RASGRF2: variants seen among roughly 807,000 people sequenced by gnomAD.
RASGRF2 encodes ras-specific guanine nucleotide-releasing factor 2.
A neutral mutation model predicts 151.0 loss-of-function variants in RASGRF2; 76 were observed. The ratio of observed to expected loss-of-function variants is 0.50; its 90% CI spans 0.42 to 0.61. The LOEUF (loss-of-function observed/expected upper bound fraction) is 0.61. Ranked by LOEUF, RASGRF2 falls within the 20% of genes least tolerant of loss-of-function variation. The probability of loss-of-function intolerance (pLI) is 0.00; values close to 1 mark genes in which losing one functional copy is unlikely to be tolerated. For missense variants in RASGRF2, 1,148 were observed against 1,564.6 expected, an observed-to-expected ratio of 0.73 and a Z score of 4.49; for synonymous variants, 504 against 566.5, an observed-to-expected ratio of 0.89 and a Z score of 1.57.
rs1363537603 is a variant in RASGRF2, at chr5:81,207,261, G to T, written c.2983G>T (p.Ala995Ser). Residue 995 changes from alanine (A) to serine (S), a missense_variant, in exon 21 of 27, where the codon GCC becomes TCC. Physicochemically the swap from Ala to Ser is moderately conservative, Grantham distance 99. Transcript: ENST00000265080. Reference sequence around the variant, plus strand: ...TCTCTTGCAGACTGACTGCATGAAGGCCGAATGCTTTGAGTCCTTGTCGGC... The same window carrying T: ...TCTCTTGCAGACTGACTGCATGAAGTCCGAATGCTTTGAGTCCTTGTCGGC... Reference protein sequence around the residue: ...DIIQMTDCMKAECFESLSAME... With the variant: ...DIIQMTDCMKSECFESLSAME... The T allele has an allele frequency of 3.1e-6, 5 of 1,614,104 alleles. No homozygotes were observed. Among genetic ancestry groups the T allele is most frequent in the South Asian group, 1.1e-5 (1 of 91,078 alleles).
At chr5:81,014,409 G>T (rs188241694) in intron 1 of RASGRF2, among the ~76,000 whole-genome samples, 1 of 152,238 alleles carries the variant, frequency 6.6e-6, no homozygotes, top group Non-Finnish European at 1.5e-5. Flanking sequence ...GCAGGCAAAA[G>T]ATGAGAGCTT....
intron 1 of RASGRF2, among the ~76,000 whole-genome samples, chr5:80,990,219 T>TA (rs1491260272): frequency 1.1e-4 from 8 of 70,974 alleles, no homozygotes; most frequent in South Asian, 3.5e-4. Flanking sequence ...CTGCCAGATG[T>TA]TTTTTTTTTT....
At chr5:81,027,836 C>T (rs910889456) in intron 1 of RASGRF2, among the ~76,000 whole-genome samples, 3 of 152,182 alleles carry the variant, frequency 2.0e-5, no homozygotes, top group Non-Finnish European at 4.4e-5. Context: ...CACTGAGAAG[C>T]ATTCTAAGAA....
chr5:81,045,969 G>T (rs1457154530), intron 2 of RASGRF2, among the ~76,000 whole-genome samples: 1 of 152,120 alleles, frequency 6.6e-6, no homozygotes, highest in Non-Finnish European at 1.5e-5. Context: ...ATGGTTGGTT[G>T]ACTTAACATT....
chr5:81,129,458 C>A (rs920901104), intron 17 of RASGRF2, among the ~76,000 whole-genome samples: 1 of 151,996 alleles, frequency 6.6e-6, no homozygotes, highest in African/African-American at 2.4e-5. Flanking sequence ...ATATATATTT[C>A]TCTAAATAAA....
intron 13 of RASGRF2, among the ~76,000 whole-genome samples, chr5:81,110,162 T>C (rs968379188): frequency 6.6e-6 from 1 of 152,100 alleles, no homozygotes; most frequent in Non-Finnish European, 1.5e-5. Flanking sequence ...AGAAAAAAAA[T>C]TATCTTATTG....
chr5:81,194,002 G>A (rs1005915982), intron 18 of RASGRF2, among the ~76,000 whole-genome samples: 8 of 152,088 alleles, frequency 5.3e-5, no homozygotes, highest in African/African-American at 1.9e-4. Context: ...AATCATGATA[G>A]TAAATATGTT....
At position 81,226,549 on chromosome 5, in the gene RASGRF2, A is replaced by G. The variant is rs949361434; in HGVS notation, c.*779A>G. The G allele has an allele frequency of 1.8e-4, 28 of 152,300 alleles. No individual in the cohort carries two copies. The highest frequency in any genetic ancestry group is 6.5e-4 in the African/African-American group (27 of 41,558). 9.4% of individuals were successfully genotyped at this position (152,300 alleles called of 1,614,324 possible). A position where few individuals can be genotyped will look rare whatever the true frequency, so the allele number is the denominator to read the frequency against. Reference sequence around the variant, plus strand: ...CAGCCCTTTTGGAGAGGCAGCTGCAAAAAGGTGCACGCCCATCTCACCGAC... The same window carrying G: ...CAGCCCTTTTGGAGAGGCAGCTGCAGAAAGGTGCACGCCCATCTCACCGAC... On this transcript the variant is annotated 3_prime_UTR_variant, in exon 27 of 27. Transcript: ENST00000265080.
At chr5:81,103,929 T>G (rs1752772670) in intron 12 of RASGRF2, among the ~76,000 whole-genome samples, 1 of 151,262 alleles carries the variant, frequency 6.6e-6, no homozygotes, top group African/African-American at 2.4e-5. Context: ...TGAACAAATC[T>G]TAAAAGCAGT....
intron 15 of RASGRF2, among the ~76,000 whole-genome samples, chr5:81,118,631 C>T (rs1322541716): frequency 6.6e-6 from 1 of 152,226 alleles, no homozygotes; most frequent in Non-Finnish European, 1.5e-5. Flanking sequence ...TTGGTTTGCA[C>T]TCCCAAAAAG....
At chr5:81,104,664 A>G (rs562296478) in intron 12 of RASGRF2, among the ~76,000 whole-genome samples, 25 of 152,322 alleles carry the variant, frequency 1.6e-4, no homozygotes, top group African/African-American at 5.1e-4. Flanking sequence ...TTTATGCAGT[A>G]TTCTGACTAA....
At chr5:81,161,217 G>C (rs1381701808) in intron 17 of RASGRF2, among the ~76,000 whole-genome samples, 5 of 152,154 alleles carry the variant, frequency 3.3e-5, no homozygotes, top group Non-Finnish European at 7.3e-5. Context: ...TTGAATTCCT[G>C]CCTAGGGTCA....
intron 22 of RASGRF2, among the ~76,000 whole-genome samples, chr5:81,209,797 CT>C (rs915808458): frequency 4.2e-4 from 64 of 152,308 alleles, no homozygotes; most frequent in African/African-American, 1.5e-3. Context: ...ACATTGCATT[CT>C]TGACAATTAC....
intron 18 of RASGRF2, among the ~76,000 whole-genome samples, chr5:81,181,321 A>G (rs961099458): frequency 1.3e-5 from 2 of 152,206 alleles, no homozygotes; most frequent in African/African-American, 4.8e-5. Context: ...TGGTAAGGGA[A>G]TTTACTAATT....
At chr5:81,219,379 C>T (rs1755810793) in intron 25 of RASGRF2, among the ~76,000 whole-genome samples, 1 of 152,156 alleles carries the variant, frequency 6.6e-6, no homozygotes, top group Non-Finnish European at 1.5e-5. Context: ...CCATGCCCAG[C>T]CTGGACAGCC....
intron 13 of RASGRF2, 51 bp downstream of exon 13, chr5:81,109,129 G>A: frequency 6.3e-7 from 1 of 1,576,954 alleles, no homozygotes; most frequent in South Asian, 1.1e-5. Context: ...TAAATTGGCG[G>A]AACATGTAAA....
chr5:80,980,412 G>A (rs1748261114), intron 1 of RASGRF2, among the ~76,000 whole-genome samples: 2 of 152,190 alleles, frequency 1.3e-5, no homozygotes, highest in South Asian at 4.1e-4. Flanking sequence ...GGCTGAGGTG[G>A]GTGGATCACT....
intron 2 of RASGRF2, among the ~76,000 whole-genome samples, chr5:81,050,031 T>C (rs1337165211): frequency 1.3e-5 from 2 of 152,212 alleles, no homozygotes; most frequent in Admixed American, 1.3e-4. Flanking sequence ...CATACTCTCC[T>C]GTACACTCAG....
At chr5:81,103,745 A>G (rs1159007449) in intron 12 of RASGRF2, among the ~76,000 whole-genome samples, 3 of 152,176 alleles carry the variant, frequency 2.0e-5, no homozygotes, top group Non-Finnish European at 4.4e-5. Context: ...AAGATAGGAA[A>G]AAAACTTTTT....
Sources: allele counts gnomAD v4.1 joint callset (sites outside exome capture counted in the v4.1 genomes callset), GRCh38; gene constraint gnomAD v4.1.1; transcripts MANE v1.5; gene names NCBI Gene and HGNC (gene_info 2026-07-23, HGNC 2026-07-21).